Variants in RARB observed in about 807,000 individuals in gnomAD.
RARB encodes retinoic acid receptor beta.
A neutral mutation model predicts 51.9 loss-of-function variants in RARB; 17 were observed. That is an observed-to-expected ratio of 0.33 (90% confidence interval 0.22 to 0.49). RARB has a LOEUF of 0.49. RARB is among the 20% of genes least tolerant of loss of function. RARB has a pLI of 0.99. For missense variants in RARB, 369 were observed against 550.8 expected (o/e 0.67, Z 3.30); for synonymous variants, 215 against 195.4 (o/e 1.10, Z -0.84).
intron 2 of RARB, among the ~76,000 whole-genome samples, chr3:24,866,501 T>G (rs554075035): frequency 6.6e-6 from 1 of 152,238 alleles, no homozygotes; most frequent in East Asian, 1.9e-4. Context: ...AATTCCAGCA[T>G]GCCACACAGC....
intron 2 of RARB, among the ~76,000 whole-genome samples, chr3:24,920,472 CTG>C (rs1264379700): frequency 9.2e-5 from 14 of 152,190 alleles, no homozygotes; most frequent in Non-Finnish European, 1.8e-4. Flanking sequence ...CCCTTGAACA[CTG>C]TAGCTTCAGC....
At chr3:25,042,609 G>A (rs77482364) in intron 2 of RARB, among the ~76,000 whole-genome samples, 8,697 of 152,228 alleles carry the variant, frequency 0.057, 534 homozygotes, top group African/African-American at 0.15. Context: ...AGCTTGATAT[G>A]GAAATGTCAC....
intron 3 of RARB, among the ~76,000 whole-genome samples, chr3:25,548,061 C>A (rs991958232): frequency 1.2e-4 from 18 of 150,800 alleles, no homozygotes; most frequent in African/African-American, 4.4e-4. Flanking sequence ...TCTGTGCCCT[C>A]CCCCTGTAAA....
At chr3:25,015,805 T>TG (rs1393411086) in intron 2 of RARB, among the ~76,000 whole-genome samples, 9 of 152,168 alleles carry the variant, frequency 5.9e-5, no homozygotes, top group African/African-American at 2.2e-4. Context: ...AAGAAGTCAA[T>TG]GGACAAGCAC....
At chr3:25,018,370 C>G (rs1485814087) in intron 2 of RARB, among the ~76,000 whole-genome samples, 1 of 152,100 alleles carries the variant, frequency 6.6e-6, no homozygotes, top group East Asian at 1.9e-4. Context: ...AACTGGAATT[C>G]CAGTTGTTGA....
chr3:25,485,368 G>T (rs1247457141), intron 2 of RARB, among the ~76,000 whole-genome samples: 1 of 152,178 alleles, frequency 6.6e-6, no homozygotes, highest in Non-Finnish European at 1.5e-5. Flanking sequence ...AGTGGTTAGT[G>T]GTCTCTGGCC....
At chr3:25,016,732 C>A (rs1697517263) in intron 2 of RARB, among the ~76,000 whole-genome samples, 1 of 151,946 alleles carries the variant, frequency 6.6e-6, no homozygotes, top group Admixed American at 6.6e-5. Flanking sequence ...TTTTTTCCCC[C>A]CAGGATATGC....
At chr3:25,452,007 A>G (rs980072871) in intron 1 of RARB, among the ~76,000 whole-genome samples, 1 of 152,164 alleles carries the variant, frequency 6.6e-6, no homozygotes, top group Non-Finnish European at 1.5e-5. Context: ...GGGGACCTCA[A>G]TATTGCAAAG....
At chr3:24,875,892 C>G (rs1174259523) in intron 2 of RARB, among the ~76,000 whole-genome samples, 1 of 152,080 alleles carries the variant, frequency 6.6e-6, no homozygotes, top group African/African-American at 2.4e-5. Context: ...CTTCACAATT[C>G]TTTATTCCTC....
At chr3:25,437,753 T>C (rs1708494807) in intron 1 of RARB, among the ~76,000 whole-genome samples, 1 of 152,204 alleles carries the variant, frequency 6.6e-6, no homozygotes, top group Non-Finnish European at 1.5e-5. Context: ...CTAAAAGTAG[T>C]TCACAAAGGA....
intron 2 of RARB, among the ~76,000 whole-genome samples, chr3:24,895,049 G>T (rs1703450803): frequency 6.6e-6 from 1 of 152,140 alleles, no homozygotes; most frequent in Non-Finnish European, 1.5e-5. Context: ...AGAAATGATT[G>T]ATATAAGACT....
intron 3 of RARB, among the ~76,000 whole-genome samples, chr3:25,077,511 T>C (rs1226230139): frequency 6.6e-6 from 1 of 152,210 alleles, no homozygotes; most frequent in Non-Finnish European, 1.5e-5. Context: ...TGTCGTTGTA[T>C]GTTTTAATAG....
At chr3:25,183,867 G>A (rs985864866) in intron 5 of RARB, among the ~76,000 whole-genome samples, 5 of 152,148 alleles carry the variant, frequency 3.3e-5, no homozygotes, top group South Asian at 2.1e-4. Context: ...ATTTTGTTAT[G>A]TAATTAGTTG....
At chr3:25,490,966 C>A (rs1165528007) in intron 2 of RARB, among the ~76,000 whole-genome samples, 2 of 152,132 alleles carry the variant, frequency 1.3e-5, no homozygotes, top group African/African-American at 4.8e-5. Context: ...AGTTTTTCTT[C>A]CTACCACATC....
At chr3:25,444,308 A>G (rs1055643811) in intron 1 of RARB, among the ~76,000 whole-genome samples, 1 of 152,160 alleles carries the variant, frequency 6.6e-6, no homozygotes, top group Non-Finnish European at 1.5e-5. Context: ...CAACGATATA[A>G]ATTTCTATTT....
intron 1 of RARB, among the ~76,000 whole-genome samples, chr3:25,449,052 C>T (rs760692895): frequency 3.3e-5 from 5 of 152,072 alleles, no homozygotes; most frequent in Non-Finnish European, 5.9e-5. Context: ...TATATGTGGC[C>T]TTCAGGTGAG....
At chr3:25,291,939 T>A (rs1486179820) in intron 5 of RARB, among the ~76,000 whole-genome samples, 1 of 152,142 alleles carries the variant, frequency 6.6e-6, no homozygotes, top group African/African-American at 2.4e-5. Context: ...ACTTTAACTT[T>A]CCCTCTCTTA....
intron 2 of RARB, among the ~76,000 whole-genome samples, chr3:24,868,268 A>G (rs1315522815): frequency 2.0e-5 from 3 of 152,160 alleles, no homozygotes; most frequent in Non-Finnish European, 4.4e-5. Context: ...CAAAATAATT[A>G]ATGTAATACA....
In RARB at chr3:24,941,668, TA is replaced by T. The variant is rs1695670882; in HGVS notation, c.-380+82920del. Among the ~76,000 whole-genome samples, 4 of 152,272 alleles carry T rather than the reference TA, an allele frequency of 2.6e-5. No individual in the cohort carries two copies. In the South Asian group the frequency reaches 8.3e-4, roughly 32 times the overall value. ...ACAGGCATGAGCCACCGTGCCCAGATAAAAGGCAGTCTTTCAAACAGAATAA... is the reference window on the plus strand; with the variant it reads ...ACAGGCATGAGCCACCGTGCCCAGATAAAGGCAGTCTTTCAAACAGAATAA... On this transcript the variant is annotated intron_variant, in intron 2 of 11. Coordinates refer to the RARB transcript ENST00000383772.
Sources: gnomAD v4.1 joint callset for allele counts (sites outside exome capture counted in the v4.1 genomes callset) on GRCh38, gnomAD v4.1.1 for gene constraint, MANE v1.5 for transcripts, NCBI Gene and HGNC (gene_info 2026-07-23, HGNC 2026-07-21) for gene names.